DNER: variants seen among roughly 807,000 people sequenced by gnomAD.
DNER encodes delta/notch like EGF repeat containing, also known as delta and Notch-like epidermal growth factor-related receptor.
A neutral mutation model predicts 78.2 loss-of-function variants in DNER; 33 were observed. The ratio of observed to expected loss-of-function variants is 0.42; its 90% CI spans 0.32 to 0.56. DNER has a LOEUF of 0.56. Among genes scored for constraint, DNER ranks in the 20% least tolerant of loss-of-function variants. The pLI, the probability that DNER is intolerant of heterozygous loss-of-function variation, is 0.11. For missense variants in DNER, 918 were observed against 975.3 expected, an observed-to-expected ratio of 0.94 and a Z score of 0.78; for synonymous variants, 417 against 384.8, an observed-to-expected ratio of 1.08 and a Z score of -0.98.
intron 6 of DNER, among the ~76,000 whole-genome samples, chr2:229,485,273 T>C (rs11890081): frequency 0.064 from 9,759 of 152,174 alleles, 949 homozygotes; most frequent in African/African-American, 0.21. Flanking sequence ...TGAGCAATGA[T>C]GTTAGGTGAA....
At chr2:229,431,347 T>C (rs1693999777) in intron 8 of DNER, among the ~76,000 whole-genome samples, 2 of 152,292 alleles carry the variant, frequency 1.3e-5, no homozygotes, top group South Asian at 4.1e-4. Flanking sequence ...AAACAGTGTC[T>C]AAAGGCCTTT....
At chr2:229,489,531 G>A (rs1332860305) in intron 6 of DNER, among the ~76,000 whole-genome samples, 2 of 116,432 alleles carry the variant, frequency 1.7e-5, no homozygotes, top group African/African-American at 2.8e-5. Context: ...AGGTGGTGAG[G>A]AGGAGGGGGA....
intron 4 of DNER, among the ~76,000 whole-genome samples, chr2:229,581,677 T>C (rs1010568707): frequency 6.6e-5 from 10 of 152,156 alleles, no homozygotes; most frequent in African/African-American, 1.7e-4. Flanking sequence ...AAATGAACTG[T>C]AGTAACATGG....
At chr2:229,482,801 G>A (rs1236712423) in intron 6 of DNER, among the ~76,000 whole-genome samples, 2 of 152,114 alleles carry the variant, frequency 1.3e-5, no homozygotes, top group Non-Finnish European at 2.9e-5. Context: ...TGTAAAATCA[G>A]GAAATAAAGA....
chr2:229,544,679 C>T (rs1696585048), intron 5 of DNER, among the ~76,000 whole-genome samples: 1 of 151,776 alleles, frequency 6.6e-6, no homozygotes, highest in South Asian at 2.1e-4. Context: ...ATTACAGGTG[C>T]CCACCACCAC....
chr2:229,618,425 T>C (rs1322749668), intron 1 of DNER, among the ~76,000 whole-genome samples: 1 of 152,220 alleles, frequency 6.6e-6, no homozygotes, highest in Non-Finnish European at 1.5e-5. Context: ...TTTATTATGC[T>C]TTATACTATG....
chr2:229,472,828 T>A (rs577957309), intron 7 of DNER, among the ~76,000 whole-genome samples: 4 of 152,350 alleles, frequency 2.6e-5, no homozygotes, highest in Admixed American at 2.6e-4. Context: ...TTTCCCAATA[T>A]GAACCTAGTA....
chr2:229,459,676 C>T (rs1288443405), intron 7 of DNER, among the ~76,000 whole-genome samples: 1 of 152,036 alleles, frequency 6.6e-6, no homozygotes, highest in East Asian at 1.9e-4. Context: ...AAGCCCCAAT[C>T]TATTTGCTGC....
At chr2:229,501,330 G>A (rs1401285222) in intron 6 of DNER, among the ~76,000 whole-genome samples, 1 of 148,944 alleles carries the variant, frequency 6.7e-6, no homozygotes, top group Non-Finnish European at 1.5e-5. Flanking sequence ...AAGTATGTTA[G>A]GTTAAAAAAA....
At chr2:229,574,023 A>G (rs1697255543) in intron 4 of DNER, among the ~76,000 whole-genome samples, 1 of 152,234 alleles carries the variant, frequency 6.6e-6, no homozygotes, top group Non-Finnish European at 1.5e-5. Flanking sequence ...GATCCCTAAA[A>G]GTCTCAGATT....
chr2:229,420,820 G>A (rs62191315), intron 8 of DNER, among the ~76,000 whole-genome samples: 135 of 152,294 alleles, frequency 8.9e-4, no homozygotes, highest in Non-Finnish European at 1.7e-3. Context: ...ACTGTTGGTA[G>A]GAAGGTAAAA....
At chr2:229,422,133 G>A (rs575568447) in intron 8 of DNER, among the ~76,000 whole-genome samples, 7 of 152,096 alleles carry the variant, frequency 4.6e-5, no homozygotes, top group Non-Finnish European at 8.8e-5. Flanking sequence ...TGTCTTCATG[G>A]AAATGTCAAG....
intron 1 of DNER, among the ~76,000 whole-genome samples, chr2:229,654,063 C>A (rs1698868619): frequency 6.6e-6 from 1 of 152,074 alleles, no homozygotes; most frequent in South Asian, 2.1e-4. Flanking sequence ...GTGTGCTGCA[C>A]CCATTAACTT....
rs1401944468 is a variant in DNER at position 229,546,826 on chromosome 2, CAGACAGAT to C, written c.993+113_993+120del. On this transcript the variant is annotated intron_variant, in intron 5 of 12. Transcript: ENST00000341772. Reference sequence around the variant, plus strand: ...ATAGACAGACAGACAGACAGACAGACAGACAGATAGATAGATAGAGCAAGGATGAAAGG... The same window carrying C: ...ATAGACAGACAGACAGACAGACAGACAGATAGATAGAGCAAGGATGAAAGG... 1.3e-3 allele frequency: 1,773 copies of C among 1,388,332 alleles called. 17 individuals carry two copies. The African/African-American group carries it at 0.023, about 18-fold the overall frequency. The allele number at this position is 1,388,332 out of a possible 1,614,324, so 86.0% of individuals were successfully genotyped here. A position where few individuals can be genotyped will look rare whatever the true frequency, so the allele number is the denominator to read the frequency against.
At chr2:229,413,815 T>C (rs1009098735) in intron 9 of DNER, among the ~76,000 whole-genome samples, 4 of 151,304 alleles carry the variant, frequency 2.6e-5, no homozygotes, top group Non-Finnish European at 4.4e-5. Flanking sequence ...TATTAAGCAG[T>C]AAAAATTACC....
chr2:229,436,918 T>C (rs1173900859), intron 8 of DNER, among the ~76,000 whole-genome samples: 1 of 152,196 alleles, frequency 6.6e-6, no homozygotes, highest in Non-Finnish European at 1.5e-5. Context: ...ACTAAAAACA[T>C]GGTGACAGGA....
intron 5 of DNER, among the ~76,000 whole-genome samples, chr2:229,526,950 A>G (rs1424072099): frequency 6.6e-6 from 1 of 152,190 alleles, no homozygotes; most frequent in Non-Finnish European, 1.5e-5. Flanking sequence ...GCAAAAGCCA[A>G]TCGCCTTGCA....
chr2:229,488,747 T>C (rs925092119), intron 6 of DNER, among the ~76,000 whole-genome samples: 1 of 152,246 alleles, frequency 6.6e-6, no homozygotes, highest in East Asian at 1.9e-4. Context: ...AAGTGGCCCA[T>C]TCAGGCCTGG....
At chr2:229,416,038 C>T (rs970933302) in intron 9 of DNER, among the ~76,000 whole-genome samples, 1 of 152,196 alleles carries the variant, frequency 6.6e-6, no homozygotes, top group African/African-American at 2.4e-5. Context: ...ATAAGACTTT[C>T]TTCACCTCAC....
Sources: allele counts gnomAD v4.1 joint callset (sites outside exome capture counted in the v4.1 genomes callset), GRCh38; gene constraint gnomAD v4.1.1; transcripts MANE v1.5; gene names NCBI Gene and HGNC (gene_info 2026-07-23, HGNC 2026-07-21).